The following OR11A1 variants were observed in gnomAD, a reference collection of about 807,000 sequenced individuals.
The protein encoded by OR11A1 is olfactory receptor family 11 subfamily A member 1.
For missense variants in OR11A1, 380 were observed against 378.2 expected (o/e 1.00, Z -0.04); for synonymous variants, 158 against 152.2 (o/e 1.04, Z -0.28).
Position 29,427,099 on chromosome 6 carries a change from G to A in OR11A1, c.543C>T (p.Asp181=). The A allele has an allele frequency of 6.2e-7, 1 of 1,612,842 alleles. No homozygotes were observed. The part of the protein sequence containing the change: ...GPNHIDQFYC[D]FMLFVGLACS... Reference sequence around the variant, plus strand: ...AAGCCAGGCCCACGAAAAGCATAAAGTCACAGTAAAACTGGTCAATGTGGT... The same window carrying A: ...AAGCCAGGCCCACGAAAAGCATAAAATCACAGTAAAACTGGTCAATGTGGT... Residue 181 remains aspartate (D), a synonymous_variant, in exon 5 of 5, where the codon GAC becomes GAT. Coordinates refer to ENST00000377149, the MANE Select transcript of OR11A1 (RefSeq NM_001394828.1).
At chr6:29,448,572 T>A (rs1029375399) in intron 1 of OR11A1, among the ~76,000 whole-genome samples, 2 of 152,228 alleles carry the variant, frequency 1.3e-5, no homozygotes, top group African/African-American at 4.8e-5. Flanking sequence ...AGTGATACAT[T>A]CTGTTTAAGT....
At chr6:29,432,128 A>C in intron 1 of OR11A1, 141 bp from the exon 2 acceptor site, 2 of 425,166 alleles carry the variant, frequency 4.7e-6, no homozygotes, top group Non-Finnish European at 6.3e-6. Context: ...CCTCTATCAC[A>C]TGGGAGGGCA....
intron 1 of OR11A1, among the ~76,000 whole-genome samples, chr6:29,436,766 G>C (rs536350558): frequency 1.3e-5 from 2 of 152,310 alleles, no homozygotes; most frequent in South Asian, 4.2e-4. Flanking sequence ...GTTAGTCATA[G>C]AGCCAGCATT....
At position 29,427,319 on chromosome 6, in the gene OR11A1, A is replaced by G. The variant is rs757111472; in HGVS notation, c.323T>C (p.Leu108Pro). Residue 108 changes from leucine (L) to proline (P), a missense_variant, in exon 5 of 5, where the codon CTA (leucine) becomes CCA (proline). By Grantham distance (98) the Leu-to-Pro change is moderately conservative. Transcript: ENST00000377149. The stretch of plus-strand genomic sequence containing the variant: ...CAGCAGTAAGCATTCAGCTGTGGCT[A>G]GAGAGCCGAAGATAAAGAACTGGAG... ...CLLQFFIFGS[L>P]ATAECLLLAV... 5.6e-6 allele frequency: 9 copies of G among 1,613,124 alleles called. No homozygotes were observed. The highest frequency in any genetic ancestry group is 7.6e-6 in the Non-Finnish European group (9 of 1,180,028).
At chr6:29,431,590 G>A (rs1278341810) in intron 2 of OR11A1, among the ~76,000 whole-genome samples, 1 of 151,990 alleles carries the variant, frequency 6.6e-6, no homozygotes, top group Non-Finnish European at 1.5e-5. Flanking sequence ...ATCTCCAAAA[G>A]AGAAGAGAGA....
intron 1 of OR11A1, among the ~76,000 whole-genome samples, chr6:29,451,891 G>A (rs557732080): frequency 2.0e-5 from 3 of 152,228 alleles, no homozygotes; most frequent in Admixed American, 6.5e-5. Context: ...TCATGTATGT[G>A]TATGTGTTCA....
At chr6:29,429,581 T>C (rs1239406639) in intron 3 of OR11A1, among the ~76,000 whole-genome samples, 1 of 152,162 alleles carries the variant, frequency 6.6e-6, no homozygotes, top group Admixed American at 6.5e-5. Flanking sequence ...GAGGAAGTGA[T>C]GCTGAACTGA....
chr6:29,438,806 G>A (rs963167398), intron 1 of OR11A1, among the ~76,000 whole-genome samples: 3 of 148,390 alleles, frequency 2.0e-5, no homozygotes, highest in African/African-American at 7.8e-5. Flanking sequence ...TCCTCAAGAG[G>A]GATCCACTAT....
chr6:29,430,537 T>C (rs983329687), intron 2 of OR11A1, 112 bp from the exon 3 acceptor site: 15 of 649,728 alleles, frequency 2.3e-5, no homozygotes, highest in Non-Finnish European at 2.9e-5. Context: ...CTGGAGGCTA[T>C]TATTTTAAGT....
intron 1 of OR11A1, among the ~76,000 whole-genome samples, chr6:29,442,669 C>T (rs1052389263): frequency 5.3e-5 from 8 of 151,554 alleles, no homozygotes; most frequent in Non-Finnish European, 1.2e-4. Flanking sequence ...AGGTGTTACT[C>T]CCTGTCCCCA....
chr6:29,440,679 G>A (rs745413870), intron 1 of OR11A1: 3 of 1,614,116 alleles, frequency 1.9e-6, no homozygotes, highest in Admixed American at 1.7e-5. Context: ...GCGTATCCTC[G>A]TTACCATCTT....
chr6:29,437,524 A>G lies in OR11A1; in HGVS notation c.-388-5537T>C, dbSNP rs561280746. 3.5e-5 allele frequency among the ~76,000 whole-genome samples: 5 copies of G among 143,202 alleles called. No individual in the cohort carries two copies. The South Asian group carries it at 1.1e-3, about 30-fold the overall frequency. 93.9% of individuals were successfully genotyped at this position (143,202 alleles called of 152,430 possible). On this transcript the variant is annotated intron_variant, in intron 1 of 4. Coordinates refer to ENST00000377149, the MANE Select transcript of OR11A1 (RefSeq NM_001394828.1). ...TTTTATTTTGTTTTGTTGATGACGT[A>G]GGATCCAGTCAAAAATCATGAATGA...
chr6:29,444,918 C>T (rs1784576201), intron 1 of OR11A1, among the ~76,000 whole-genome samples: 1 of 152,224 alleles, frequency 6.6e-6, no homozygotes, highest in Non-Finnish European at 1.5e-5. Flanking sequence ...CCCTGACACT[C>T]CCTTCCTCAA....
intron 1 of OR11A1, among the ~76,000 whole-genome samples, chr6:29,452,718 C>A (rs542585676): frequency 3.0e-4 from 45 of 151,954 alleles, no homozygotes; most frequent in South Asian, 1.2e-3. Flanking sequence ...TAAAAAGAAG[C>A]TGAGAAAATT....
Position 29,428,952 on chromosome 6 carries a change from G to T in OR11A1, c.-131C>A. The T allele has an allele frequency of 1.0e-6, 1 of 971,326 alleles. No homozygotes were observed. Among genetic ancestry groups the T allele is most frequent in the Non-Finnish European group, 1.2e-6 (1 of 817,504 alleles). 60.2% of individuals were successfully genotyped at this position (971,326 alleles called of 1,614,324 possible). On this transcript the variant is annotated 5_prime_UTR_variant, in exon 4 of 5. Coordinates refer to ENST00000377149, the MANE Select transcript of OR11A1 (RefSeq NM_001394828.1). ...TCATATGCTATTCAAAGCAATATGT[G>T]TTTATTAACTGAAGACAATGAGAGA...
intron 1 of OR11A1, among the ~76,000 whole-genome samples, chr6:29,455,639 G>A (rs531297265): frequency 2.0e-4 from 30 of 152,156 alleles, no homozygotes; most frequent in East Asian, 3.9e-4. Context: ...CATTTGGGAG[G>A]CCGAGGCGGG....
chr6:29,441,007 T>C (rs189409237), intron 1 of OR11A1: 1 of 1,167,852 alleles, frequency 8.6e-7, no homozygotes, highest in African/African-American at 1.5e-5. Flanking sequence ...CCCAAATACC[T>C]AAGGATCAAA....
At chr6:29,454,180 AACTG>A (rs1359032609) in intron 1 of OR11A1, among the ~76,000 whole-genome samples, 1 of 152,194 alleles carries the variant, frequency 6.6e-6, no homozygotes, top group Non-Finnish European at 1.5e-5. Flanking sequence ...AGTTAATGGA[AACTG>A]ACTGTAAGTG....
In OR11A1 at chr6:29,427,177, C is replaced by T; in HGVS notation, c.465G>A (p.Val155=). ...LVVTTWLSGF[V]VDGLVVALVA... ...CCAGGGCCACAACCAGTCCATCTAC[C>T]ACAAATCCAGAGAGCCAGGTTGTGA... The change falls in exon 5 of 5, where the codon GTG becomes GTA. Residue 155 remains valine, a synonymous_variant. Coordinates refer to ENST00000377149, the MANE Select transcript of OR11A1 (RefSeq NM_001394828.1). 1.2e-6 allele frequency: 2 copies of T among 1,613,082 alleles called. No homozygotes were observed. Among genetic ancestry groups the T allele is most frequent in the Non-Finnish European group, 1.7e-6 (2 of 1,180,020 alleles).
Sources: gnomAD v4.1 joint callset for allele counts (sites outside exome capture counted in the v4.1 genomes callset) on GRCh38, gnomAD v4.1.1 for gene constraint, MANE v1.5 for transcripts, NCBI Gene and HGNC (gene_info 2026-07-23, HGNC 2026-07-21) for gene names.